KIRREL3: variants seen among roughly 807,000 people sequenced by gnomAD.
KIRREL3 encodes the protein kirre like nephrin family adhesion molecule 3.
KIRREL3 carries 36 observed loss-of-function variants against 89.7 expected under a neutral mutation model. That is an observed-to-expected ratio of 0.40 (90% CI 0.31 to 0.53). The LOEUF (loss-of-function observed/expected upper bound fraction) is 0.53, where lower values mean the gene tolerates loss of function less well. Among genes scored for constraint, KIRREL3 ranks in the 20% least tolerant of loss-of-function variants. The pLI, the probability that KIRREL3 is intolerant of heterozygous loss-of-function variation, is 0.49. For synonymous variants in KIRREL3, 445 were observed against 441.4 expected, an observed-to-expected ratio of 1.01 and a Z score of -0.10; for missense variants, 864 against 1,056.6, an observed-to-expected ratio of 0.82 and a Z score of 2.53.
intron 1 of KIRREL3, among the ~76,000 whole-genome samples, chr11:126,632,938 A>T (rs983694163): frequency 6.6e-6 from 1 of 151,658 alleles, no homozygotes; most frequent in East Asian, 2.0e-4. Context: ...CTAAAAATAC[A>T]AAAATTAGCC....
At chr11:126,964,874 C>T (rs1591392673) in intron 1 of KIRREL3, among the ~76,000 whole-genome samples, 1 of 152,114 alleles carries the variant, frequency 6.6e-6, no homozygotes, top group African/African-American at 2.4e-5. Context: ...AGAGTAGACT[C>T]AGTTCGAAAA....
Position 126,794,381 on chromosome 11 carries a change from A to G in KIRREL3, c.55+206074T>C, listed in dbSNP as rs142419624. Among the ~76,000 whole-genome samples, 855 of 152,298 alleles carry G rather than the reference A, an allele frequency of 5.6e-3. 4 individuals carry two copies. The highest frequency in any genetic ancestry group is 8.6e-3 in the Non-Finnish European group (586 of 68,028). On this transcript the variant is annotated intron_variant, in intron 1 of 16. Coordinates refer to ENST00000525144, the MANE Select transcript of KIRREL3 (RefSeq NM_032531.4). ...AGACTCAAGAGGACATGGGCTTTTT[A>G]GGCAGAAGACCAGATGCCAGCCCCT...
chr11:126,426,101 A>AT (rs1252497574), intron 15 of KIRREL3, among the ~76,000 whole-genome samples: 1 of 152,266 alleles, frequency 6.6e-6, no homozygotes, highest in Non-Finnish European at 1.5e-5. Flanking sequence ...AGATCCACAG[A>AT]TTAACGTACA....
At chr11:126,466,463 CAG>C (rs1169630022) in intron 5 of KIRREL3, among the ~76,000 whole-genome samples, 1 of 152,154 alleles carries the variant, frequency 6.6e-6, no homozygotes, top group East Asian at 1.9e-4. Flanking sequence ...GAAGGTGGGA[CAG>C]AGCTGGGGGG....
rs1231717715 is a variant in KIRREL3 at position 126,440,487 on chromosome 11, T to TCTCGCCGTG, written c.1314_1315insCACGGCGAG (p.Ile438_Lys439insHisGlyGlu). On this transcript the variant is annotated inframe_insertion, in exon 11 of 17. Coordinates refer to ENST00000525144, the MANE Select transcript of KIRREL3 (RefSeq NM_032531.4). ...GGCGGCGTGCTCCGGATGAAGCACTTGATCTGGCCCTTCTCGCCGTGGAGG... is the reference window on the plus strand; with the variant it reads ...GGCGGCGTGCTCCGGATGAAGCACTTCTCGCCGTGGATCTGGCCCTTCTCGCCGTGGAGG... 1 of 1,599,384 alleles carries TCTCGCCGTG rather than the reference T, an allele frequency of 6.3e-7. No individual in the cohort carries two copies. Among genetic ancestry groups the TCTCGCCGTG allele is most frequent in the Non-Finnish European group, 8.5e-7 (1 of 1,173,594 alleles).
chr11:126,491,216 G>A lies in KIRREL3; in HGVS notation c.434-17750C>T, dbSNP rs748527088. On this transcript the variant is annotated intron_variant, in intron 4 of 16. Transcript: ENST00000525144. The surrounding 1 kb of genome is among the most constrained non-coding windows in gnomAD (Gnocchi z 5.5). ...TCTGCATCTGAAAGTGGGCATGGCG[G>A]TGAAACCACCTGAGGGTCAGGAAGG... Among the ~76,000 whole-genome samples, 7 of 152,222 alleles carry A rather than the reference G, an allele frequency of 4.6e-5. No individual in the cohort carries two copies. The highest frequency in any genetic ancestry group is 1.0e-4 in the Non-Finnish European group (7 of 68,032).
In KIRREL3 at chr11:126,960,792, G is replaced by A. The variant is rs146863840; in HGVS notation, c.55+39663C>T. ...ATTGTGCTTTGCTTTATTGTTCTTCGCAGACATTGCATTTTTTACAGCTTG... is the reference window on the plus strand; with the variant it reads ...ATTGTGCTTTGCTTTATTGTTCTTCACAGACATTGCATTTTTTACAGCTTG... On this transcript the variant is annotated intron_variant, in intron 1 of 16. Coordinates refer to ENST00000525144, the MANE Select transcript of KIRREL3 (RefSeq NM_032531.4). 5.0e-3 allele frequency among the ~76,000 whole-genome samples: 764 copies of A among 151,546 alleles called. 7 individuals are homozygous for A. Among genetic ancestry groups the A allele is most frequent in the African/African-American group, 0.018 (731 of 41,252 alleles).
chr11:126,966,099 C>T (rs1198373715), intron 1 of KIRREL3, among the ~76,000 whole-genome samples: 1 of 152,016 alleles, frequency 6.6e-6, no homozygotes, highest in African/African-American at 2.4e-5. Flanking sequence ...AATTTTGACC[C>T]CAAGCTGCTT....
chr11:126,714,337 A>T (rs1947874660), intron 1 of KIRREL3, among the ~76,000 whole-genome samples: 1 of 152,218 alleles, frequency 6.6e-6, no homozygotes. Flanking sequence ...CAGCATAAAG[A>T]GGGGAGCGTG....
chr11:126,725,478 A>G (rs1948343378), intron 1 of KIRREL3, among the ~76,000 whole-genome samples: 1 of 152,178 alleles, frequency 6.6e-6, no homozygotes, highest in Non-Finnish European at 1.5e-5. Flanking sequence ...ATCTCCATAC[A>G]TCTCATTGTT....
chr11:126,469,772 C>T (rs1246321887), intron 5 of KIRREL3, among the ~76,000 whole-genome samples: 1 of 152,232 alleles, frequency 6.6e-6, no homozygotes, highest in East Asian at 1.9e-4. Context: ...TCTTCCCATG[C>T]TCATGTCCAG....
chr11:126,679,205 C>T (rs1055874990), intron 1 of KIRREL3, among the ~76,000 whole-genome samples: 3 of 152,142 alleles, frequency 2.0e-5, no homozygotes, highest in Admixed American at 2.0e-4. Context: ...GGAGAATCAC[C>T]AGGGAGAGCC....
intron 1 of KIRREL3, among the ~76,000 whole-genome samples, chr11:126,698,172 C>G (rs1488225783): frequency 6.6e-6 from 1 of 152,214 alleles, no homozygotes; most frequent in Admixed American, 6.5e-5. Flanking sequence ...AACGCTCCCT[C>G]TCTCCCTCCT....
At chr11:126,488,698 TCCC>T (rs1250773527) in intron 4 of KIRREL3, among the ~76,000 whole-genome samples, 1 of 152,142 alleles carries the variant, frequency 6.6e-6, no homozygotes, top group Non-Finnish European at 1.5e-5. Context: ...GCCCACACCC[TCCC>T]ACCACCCATG....
rs140452257 is a variant in KIRREL3, at chr11:126,492,948, G to A, written c.434-19482C>T. On this transcript the variant is annotated intron_variant, in intron 4 of 16. Transcript: ENST00000525144. The surrounding 1 kb of genome is among the most constrained non-coding windows in gnomAD (Gnocchi z 4.8). ...AGACATGCCGCAGAACTTCCTGGCC[G>A]TGGGCTGAGTGACCCAAAAGGCCGT... Among the ~76,000 whole-genome samples, 375 of 152,312 alleles carry A rather than the reference G, an allele frequency of 2.5e-3. 5 individuals carry two copies. The highest frequency in any genetic ancestry group is 0.01 in the Middle Eastern group (3 of 294).
intron 2 of KIRREL3, among the ~76,000 whole-genome samples, chr11:126,536,642 C>CTTTTTTTTT (rs145142970): frequency 1.3e-5 from 1 of 77,166 alleles, no homozygotes; most frequent in Admixed American, 1.7e-4. Flanking sequence ...CTGGGCAATG[C>CTTTTTTTTT]TTTTTTTTTT....
chr11:126,952,049 G>GA (rs1392967441), intron 1 of KIRREL3, among the ~76,000 whole-genome samples: 1 of 152,158 alleles, frequency 6.6e-6, no homozygotes, highest in Non-Finnish European at 1.5e-5. Context: ...GGAAAGGACA[G>GA]AAAAAAAGAG....
intron 1 of KIRREL3, among the ~76,000 whole-genome samples, chr11:126,863,634 CGT>C (rs4054986): frequency 0.69 from 84,505 of 123,156 alleles, 25,285 homozygotes; most frequent in African/African-American, 0.78. Context: ...TGTTTGAGTG[CGT>C]GTGTGTGTGT....
intron 1 of KIRREL3, among the ~76,000 whole-genome samples, chr11:126,730,897 C>A (rs1053557600): frequency 3.9e-5 from 6 of 152,054 alleles, no homozygotes; most frequent in Non-Finnish European, 5.9e-5. Context: ...TGCCACCACG[C>A]CTGGCTAATT....
Sources: gnomAD v4.1 joint callset for allele counts (sites outside exome capture counted in the v4.1 genomes callset) on GRCh38, gnomAD v4.1.1 for gene constraint, Gnocchi (gnomAD v3.1) non-coding constraint, MANE v1.5 for transcripts, NCBI Gene and HGNC (gene_info 2026-07-23, HGNC 2026-07-21) for gene names.